The following LMF1 variants were observed in gnomAD, a reference collection of about 807,000 sequenced individuals.
LMF1 encodes the protein transmembrane protein 112.
Under a neutral mutation model 60.6 loss-of-function variants are expected in LMF1, and 68 were observed. That is an observed-to-expected ratio of 1.12 (90% CI 0.92 to 1.37). The LOEUF (loss-of-function observed/expected upper bound fraction) is 1.37. LMF1 is among the 40% of genes most tolerant of loss of function. LMF1 has a pLI of 0.00. For missense variants in LMF1, 948 were observed against 767.2 expected (o/e 1.24, Z -2.78); for synonymous variants, 418 against 324.7 (o/e 1.29, Z -3.09).
chr16:975,054 G>A (rs1360594761), upstream of LMF1, among the ~76,000 whole-genome samples: 1 of 152,168 alleles, frequency 6.6e-6, no homozygotes, highest in Admixed American at 6.5e-5. Flanking sequence ...AGGTGCGGGT[G>A]GGGGCTGAGA....
intron 2 of LMF1, among the ~76,000 whole-genome samples, chr16:946,948 G>C (rs12929414): frequency 6.6e-6 from 1 of 152,116 alleles, no homozygotes; most frequent in Non-Finnish European, 1.5e-5. Flanking sequence ...CACCTGCCAG[G>C]CTCTGGAGAC....
rs567019803 is a variant in LMF1 at position 969,648 on chromosome 16, A to G, written c.193+1140T>C. Reference sequence around the variant, plus strand: ...GGGAGACGTCCAATGCCCACGGCCTACAACCAACGCGTGGGCAACGCCCGG... The same window carrying G: ...GGGAGACGTCCAATGCCCACGGCCTGCAACCAACGCGTGGGCAACGCCCGG... On this transcript the variant is annotated intron_variant, in intron 1 of 10. Coordinates refer to ENST00000262301, the MANE Select transcript of LMF1 (RefSeq NM_022773.4). 8.5e-5 allele frequency among the ~76,000 whole-genome samples: 13 copies of G among 152,346 alleles called. No homozygotes were observed. In the East Asian group the frequency reaches 1.7e-3, roughly 20 times the overall value.
chr16:893,212 T>TA, intron 4 of LMF1, 140 bp from the exon 5 acceptor site: 10 of 744,708 alleles, frequency 1.3e-5, no homozygotes, highest in Non-Finnish European at 2.1e-5. Context: ...GAGGGGACCT[T>TA]ACGTATGAAA....
At position 857,245 on chromosome 16, in the gene LMF1, C is replaced by T. The variant is rs546778143; in HGVS notation, c.1530-2539G>A. Among the ~76,000 whole-genome samples the T allele has an allele frequency of 2.6e-5, 4 of 152,372 alleles. No homozygotes were observed. In the East Asian group the frequency reaches 5.8e-4, roughly 22 times the overall value. ...CCTCTGCACGGGTTTCTGCGTGAAC[C>T]TGGGTTTCAACTCTCTGGCTTAAAC... On this transcript the variant is annotated intron_variant, in intron 10 of 10. Transcript: ENST00000262301.
intron 2 of LMF1, among the ~76,000 whole-genome samples, chr16:946,858 G>A (rs1285744225): frequency 6.6e-6 from 1 of 152,206 alleles, no homozygotes; most frequent in Non-Finnish European, 1.5e-5. Context: ...GGCTCAGCAA[G>A]TATCTGCCAG....
intron 3 of LMF1, among the ~76,000 whole-genome samples, chr16:930,990 G>A (rs994751016): frequency 6.6e-6 from 1 of 152,018 alleles, no homozygotes; most frequent in Non-Finnish European, 1.5e-5. Context: ...GCGTGGTGGC[G>A]GGCGCCTGTA....
chr16:952,027 G>C (rs1597062437), intron 2 of LMF1, among the ~76,000 whole-genome samples: 1 of 152,116 alleles, frequency 6.6e-6, no homozygotes, highest in Admixed American at 6.5e-5. Flanking sequence ...ACTTCAGCCT[G>C]TGCTGACAGC....
At chr16:894,625 A>G (rs971057107) in intron 4 of LMF1, among the ~76,000 whole-genome samples, 19 of 152,324 alleles carry the variant, frequency 1.2e-4, no homozygotes, top group Admixed American at 9.1e-4. Context: ...AAAGGACAGG[A>G]ATCCATGCTG....
At chr16:978,406 C>T (rs1362783349) in intron 1 of LMF1, among the ~76,000 whole-genome samples, 2 of 152,050 alleles carry the variant, frequency 1.3e-5, no homozygotes, top group South Asian at 2.1e-4. Context: ...CTAGGAGCCA[C>T]GGGTAGGGTG....
intron 5 of LMF1, among the ~76,000 whole-genome samples, chr16:887,790 C>A (rs1267080117): frequency 3.9e-5 from 6 of 151,916 alleles, no homozygotes; most frequent in African/African-American, 1.5e-4. Flanking sequence ...CAGACAGTGA[C>A]CTCAGGCAGG....
chr16:914,417 G>A (rs73497294), intron 3 of LMF1, among the ~76,000 whole-genome samples: 9,699 of 152,034 alleles, frequency 0.064, 342 homozygotes, highest in Non-Finnish European at 0.082. Flanking sequence ...CACTCGTAGG[G>A]TCCACGAGAG....
intron 5 of LMF1, among the ~76,000 whole-genome samples, chr16:890,227 C>T (rs761406006): frequency 3.9e-5 from 6 of 152,328 alleles, no homozygotes; most frequent in African/African-American, 9.6e-5. Context: ...GCTGCAGGCA[C>T]GGCGCCGCAC....
chr16:979,407 C>T (rs1037872466), intron 1 of LMF1: 3 of 352,726 alleles, frequency 8.5e-6, no homozygotes, highest in Non-Finnish European at 1.7e-5. Context: ...CTCCCCACCT[C>T]CCCACCCCTC....
intron 2 of LMF1, among the ~76,000 whole-genome samples, chr16:939,609 C>T (rs538388276): frequency 5.4e-4 from 82 of 152,318 alleles, no homozygotes; most frequent in Middle Eastern, 6.8e-3. Context: ...GCTGTGTCTG[C>T]GGCGACCCGG....
upstream of LMF1, among the ~76,000 whole-genome samples, chr16:973,532 C>A (rs557548698): frequency 2.0e-5 from 3 of 152,114 alleles, no homozygotes; most frequent in East Asian, 3.9e-4. Context: ...TGGTCCAGGT[C>A]TGGGGACGGG....
chr16:926,639 T>C (rs1186498635), intron 3 of LMF1, among the ~76,000 whole-genome samples: 1 of 152,160 alleles, frequency 6.6e-6, no homozygotes, highest in Admixed American at 6.5e-5. Context: ...AAGACTACCC[T>C]AAAAACAAGC....
At chr16:892,412 AC>A (rs1284948562) in intron 5 of LMF1, among the ~76,000 whole-genome samples, 1 of 151,900 alleles carries the variant, frequency 6.6e-6, no homozygotes, top group Non-Finnish European at 1.5e-5. Context: ...GCCCCAGACC[AC>A]CCCCAGCCCC....
intron 2 of LMF1, among the ~76,000 whole-genome samples, chr16:936,270 G>A (rs1310856083): frequency 4.7e-5 from 7 of 149,168 alleles, no homozygotes; most frequent in African/African-American, 1.5e-4. Flanking sequence ...CCCGTGGGCT[G>A]AGGAAGGAGG....
At position 871,325 on chromosome 16, in the gene LMF1, C is replaced by A; in HGVS notation, c.914G>T (p.Ser305Ile). Residue 305 changes from serine to isoleucine, a missense_variant, in exon 7 of 11, where the codon AGC (serine) becomes ATC (isoleucine). Physicochemically the swap from Ser to Ile is moderately radical, Grantham distance 142. Coordinates refer to ENST00000262301, the MANE Select transcript of LMF1 (RefSeq NM_022773.4). The part of the protein sequence containing the change: ...QILFQAVLIV[S>I]GNLSFLNWLT... ...CCAGTTCAGGAAGCTGAGGTTCCCGCTGACGATGAGGACGGCCTGTGGAGA... is the reference window on the plus strand; with the variant it reads ...CCAGTTCAGGAAGCTGAGGTTCCCGATGACGATGAGGACGGCCTGTGGAGA... 1 of 1,612,322 alleles carries A rather than the reference C, an allele frequency of 6.2e-7. No homozygotes were observed.
Sources: gnomAD v4.1 joint callset for allele counts (sites outside exome capture counted in the v4.1 genomes callset) on GRCh38, gnomAD v4.1.1 for gene constraint, MANE v1.5 for transcripts, NCBI Gene and HGNC (gene_info 2026-07-23, HGNC 2026-07-21) for gene names.